The following ADCY8 variants were observed in gnomAD, a reference collection of about 807,000 sequenced individuals.
ADCY8 encodes the protein adenylate cyclase type 8.
A neutral mutation model predicts 119.7 loss-of-function variants in ADCY8; 51 were observed. That is an observed-to-expected ratio of 0.43 (90% CI 0.34 to 0.54). The LOEUF (loss-of-function observed/expected upper bound fraction) is 0.54, where lower values mean the gene tolerates loss of function less well. ADCY8 is among the 20% of genes least tolerant of loss of function. The pLI, the probability that ADCY8 is intolerant of heterozygous loss-of-function variation, is 0.03. For synonymous variants in ADCY8, 665 were observed against 651.0 expected (o/e 1.02, Z -0.33); for missense variants, 1,383 against 1,598.8 (o/e 0.87, Z 2.30).
intron 3 of ADCY8, among the ~76,000 whole-genome samples, chr8:130,945,537 G>T (rs1821082183): frequency 6.6e-6 from 1 of 152,200 alleles, no homozygotes. Context: ...GAGATAACTG[G>T]CATACTTGCC....
rs540147685 is a variant in ADCY8, at chr8:130,909,810, C to A, written c.1538G>T (p.Gly513Val). The change falls in exon 6 of 18, where the codon GGC becomes GTC. Residue 513 changes from glycine to valine, a missense_variant. Gly to Val is a moderately radical substitution (Grantham distance 109, BLOSUM62 -3). Coordinates refer to ENST00000286355, the MANE Select transcript of ADCY8 (RefSeq NM_001115.3). The part of the protein sequence containing the change: ...DVDMRIGIHS[G>V]SVLCGVLGLR... ...TCCCAAAACACCGCACAGCACCGAGCCGGAGTGGATTCCAATCCTCATGTC... is the reference window on the plus strand; with the variant it reads ...TCCCAAAACACCGCACAGCACCGAGACGGAGTGGATTCCAATCCTCATGTC... 6.2e-7 allele frequency: 1 copy of A among 1,614,184 alleles called. No individual in the cohort carries two copies. The highest frequency in any genetic ancestry group is 1.7e-5 in the Admixed American group (1 of 60,026).
intron 9 of ADCY8, among the ~76,000 whole-genome samples, chr8:130,856,415 G>A (rs72712483): frequency 0.093 from 14,176 of 152,078 alleles, 703 homozygotes; most frequent in African/African-American, 0.11. Flanking sequence ...GAGTCCAGAG[G>A]AAGCAACAGA....
At chr8:130,849,846 C>A (rs772181726) in intron 9 of ADCY8, 43 bp from the exon 10 acceptor site, 6 of 1,535,558 alleles carry the variant, frequency 3.9e-6, no homozygotes, top group Non-Finnish European at 5.3e-6. Context: ...CATCAATTGT[C>A]TGAGCAACAC....
chr8:130,903,719 A>G lies in ADCY8; in HGVS notation c.1911+53T>C, dbSNP rs535282661. 6 of 1,589,282 alleles carry G rather than the reference A, an allele frequency of 3.8e-6. No individual in the cohort carries two copies. In the African/African-American group the frequency reaches 5.4e-5, roughly 14 times the overall value. ...TTTCTCTGAGGTGTCTGGATTGGAGATGCACACGAGCATGCATTCATGGCC... is the reference window on the plus strand; with the variant it reads ...TTTCTCTGAGGTGTCTGGATTGGAGGTGCACACGAGCATGCATTCATGGCC... On this transcript the variant is annotated intron_variant, in intron 7 of 17. Transcript: ENST00000286355.
chr8:130,836,627 A>G (rs922953617), intron 11 of ADCY8, among the ~76,000 whole-genome samples, 178 bp from the exon 12 acceptor site: 17 of 152,164 alleles, frequency 1.1e-4, no homozygotes, highest in Non-Finnish European at 1.6e-4. Flanking sequence ...GCCAAGCCCT[A>G]CTTCTCTGAA....
chr8:130,794,426 A>C (rs1469731181), intron 15 of ADCY8, among the ~76,000 whole-genome samples: 2 of 151,884 alleles, frequency 1.3e-5, no homozygotes, highest in Admixed American at 6.6e-5. Context: ...TTGTATTTTT[A>C]CTAGAGATGG....
At chr8:130,787,741 T>C (rs913051398) in intron 15 of ADCY8, among the ~76,000 whole-genome samples, 2 of 151,110 alleles carry the variant, frequency 1.3e-5, no homozygotes. Flanking sequence ...TGTGCATGTG[T>C]GTGTTGTTTT....
chr8:130,842,184 A>T (rs1455364152), intron 11 of ADCY8, among the ~76,000 whole-genome samples: 1 of 152,188 alleles, frequency 6.6e-6, no homozygotes, highest in Non-Finnish European at 1.5e-5. Flanking sequence ...TTTACTATGC[A>T]ATATGTTCCC....
chr8:130,943,538 A>G lies in ADCY8; in HGVS notation c.1242-76T>C, dbSNP rs144488027. 6.4e-4 allele frequency: 545 copies of G among 850,980 alleles called. 4 individuals carry two copies. In the African/African-American group the frequency reaches 7.8e-3, roughly 12 times the overall value. The allele number at this position is 850,980 out of a possible 1,614,324, so 52.7% of individuals were successfully genotyped here. On this transcript the variant is annotated intron_variant, in intron 3 of 17. Coordinates refer to ENST00000286355, the MANE Select transcript of ADCY8 (RefSeq NM_001115.3). ...TTAGTCCATCTTGGGATACACATCA[A>G]CACCATCCCAGCAGATAAACTGTCT...
chr8:130,984,887 C>CAGAAAAG (rs1294040617), intron 2 of ADCY8, among the ~76,000 whole-genome samples: 2 of 151,952 alleles, frequency 1.3e-5, no homozygotes, highest in Non-Finnish European at 2.9e-5. Flanking sequence ...ATCTGGATCT[C>CAGAAAAG]AGAAAAGAAT....
At chr8:131,000,733 G>A (rs575419616) in intron 1 of ADCY8, among the ~76,000 whole-genome samples, 1 of 152,004 alleles carries the variant, frequency 6.6e-6, no homozygotes, top group Non-Finnish European at 1.5e-5. Context: ...CTAACACAAC[G>A]ACAGTTCACC....
intron 16 of ADCY8, among the ~76,000 whole-genome samples, chr8:130,785,181 A>T (rs534375662): frequency 9.2e-5 from 14 of 152,340 alleles, no homozygotes; most frequent in African/African-American, 3.1e-4. Context: ...GAAGTTTCTC[A>T]AAAAAGCAGC....
chr8:130,895,671 C>A (rs935193039), intron 7 of ADCY8, among the ~76,000 whole-genome samples: 4 of 152,124 alleles, frequency 2.6e-5, no homozygotes, highest in Non-Finnish European at 4.4e-5. Flanking sequence ...AGCCATGTTA[C>A]TGGAAGAATG....
chr8:131,015,905 G>A (rs146647263), intron 1 of ADCY8, among the ~76,000 whole-genome samples: 5 of 152,226 alleles, frequency 3.3e-5, no homozygotes, highest in East Asian at 1.9e-4. Context: ...AACACCTAGA[G>A]AGGAAGCCTG....
intron 14 of ADCY8, among the ~76,000 whole-genome samples, chr8:130,812,949 TC>T (rs1426055248): frequency 9.8e-5 from 14 of 143,092 alleles, no homozygotes; most frequent in Non-Finnish European, 6.1e-5. Context: ...ACCATCTTGA[TC>T]TTTTTTTTTT....
chr8:130,781,691 C>G (rs1453943628), intron 17 of ADCY8, among the ~76,000 whole-genome samples: 1 of 152,104 alleles, frequency 6.6e-6, no homozygotes, highest in Non-Finnish European at 1.5e-5. Context: ...CCTGACTTTC[C>G]CCCTGCTTGT....
At chr8:130,856,188 C>T (rs1032217703) in intron 9 of ADCY8, among the ~76,000 whole-genome samples, 10 of 151,938 alleles carry the variant, frequency 6.6e-5, no homozygotes, top group Admixed American at 5.9e-4. Context: ...TGCCTCACCC[C>T]AACTCCCACA....
Position 130,896,412 on chromosome 8 carries a change from T to TAA in ADCY8, c.1911+7358_1911+7359dup, listed in dbSNP as rs1187096841. Among the ~76,000 whole-genome samples the TAA allele has an allele frequency of 5.7e-3, 866 of 152,272 alleles. 15 individuals carry two copies. Among genetic ancestry groups the TAA allele is most frequent in the East Asian group, 0.022 (114 of 5,172 alleles). ...GATAAAAGTAAGATGAGTTTGAATT[T>TAA]AAAGAATGCATTTTTTTGCACGCCT... On this transcript the variant is annotated intron_variant, in intron 7 of 17. Coordinates refer to ENST00000286355, the MANE Select transcript of ADCY8 (RefSeq NM_001115.3).
chr8:131,040,402 T>C lies in ADCY8; in HGVS notation c.-69A>G, dbSNP rs185854461. On this transcript the variant is annotated 5_prime_UTR_variant, in exon 1 of 18. Transcript: ENST00000286355. ...AGCCGGAGGAGGGGTTCCTAAAGAC[T>C]CAAAGGCGGCCTGGTAGGAGCTTGG... is the stretch of plus-strand genomic sequence containing the variant. 923 of 1,413,022 alleles carry C rather than the reference T, an allele frequency of 6.5e-4. 2 individuals are homozygous for C. In the African/African-American group the frequency reaches 0.013, roughly 19 times the overall value. 87.5% of individuals were successfully genotyped at this position (1,413,022 alleles called of 1,614,324 possible).
Sources: allele counts gnomAD v4.1 joint callset (sites outside exome capture counted in the v4.1 genomes callset), GRCh38; gene constraint gnomAD v4.1.1; transcripts MANE v1.5; gene names NCBI Gene and HGNC (gene_info 2026-07-23, HGNC 2026-07-21).